The following GRIK2 variants were observed in gnomAD, a reference collection of about 807,000 sequenced individuals.
GRIK2 encodes the protein glutamate receptor ionotropic, kainate 2.
In GRIK2, 32 loss-of-function variants were observed where a neutral mutation model predicts 100.3. The observed-to-expected ratio is 0.32, with a 90% CI of 0.24 to 0.43. The LOEUF (loss-of-function observed/expected upper bound fraction) is 0.43, where lower values mean the gene tolerates loss of function less well. GRIK2 is among the 20% of genes least tolerant of loss of function. GRIK2 has a pLI of 1.00. For missense variants in GRIK2, 843 were observed against 1,114.9 expected (o/e 0.76, Z 3.47); for synonymous variants, 417 against 389.4 (o/e 1.07, Z -0.83).
At chr6:101,985,179 A>C (rs1793950691) in intron 14 of GRIK2, among the ~76,000 whole-genome samples, 1 of 151,772 alleles carries the variant, frequency 6.6e-6, no homozygotes, top group South Asian at 2.1e-4. Context: ...TCAAGGATTA[A>C]AATTCAATGA....
chr6:101,617,936 ATG>A (rs1171897645), intron 2 of GRIK2, among the ~76,000 whole-genome samples: 3 of 151,016 alleles, frequency 2.0e-5, no homozygotes, highest in Non-Finnish European at 4.4e-5. Context: ...TCATATATAT[ATG>A]TGTGTGTATA....
chr6:101,636,473 C>T (rs895348519), intron 4 of GRIK2, among the ~76,000 whole-genome samples: 1 of 152,020 alleles, frequency 6.6e-6, no homozygotes, highest in South Asian at 2.1e-4. Context: ...ATGTTCTGCA[C>T]ATGTATCCCA....
intron 2 of GRIK2, among the ~76,000 whole-genome samples, chr6:101,553,844 C>G (rs71566377): frequency 1.2e-3 from 180 of 152,140 alleles, no homozygotes; most frequent in Non-Finnish European, 1.4e-3. Context: ...CAGGAAAAAG[C>G]AGAATGTACC....
chr6:101,510,862 TA>T (rs899026197), intron 2 of GRIK2, among the ~76,000 whole-genome samples: 5 of 151,420 alleles, frequency 3.3e-5, no homozygotes, highest in African/African-American at 1.2e-4. Flanking sequence ...CTGCTATTAC[TA>T]AAAAAAAGGA....
chr6:101,660,264 A>T (rs1224073625), intron 4 of GRIK2, among the ~76,000 whole-genome samples: 1 of 151,942 alleles, frequency 6.6e-6, no homozygotes, highest in East Asian at 1.9e-4. Context: ...TGTTTGATTC[A>T]GCTATTGATA....
chr6:101,870,744 CTT>C (rs955839816), intron 11 of GRIK2, among the ~76,000 whole-genome samples: 2 of 151,592 alleles, frequency 1.3e-5, no homozygotes, highest in African/African-American at 4.9e-5. Context: ...AGTTGGTAAA[CTT>C]ATTAACAGAG....
At chr6:101,479,980 AG>A (rs1346476580) in intron 2 of GRIK2, among the ~76,000 whole-genome samples, 2 of 152,298 alleles carry the variant, frequency 1.3e-5, no homozygotes, top group Non-Finnish European at 2.9e-5. Flanking sequence ...AAATCTATAA[AG>A]CAACTCATAT....
chr6:101,867,714 T>A (rs1255784574), intron 11 of GRIK2, among the ~76,000 whole-genome samples: 1 of 151,566 alleles, frequency 6.6e-6, no homozygotes, highest in Non-Finnish European at 1.5e-5. Flanking sequence ...ATAAAGAATG[T>A]CTTCTCATGC....
rs1791673458 is a variant in GRIK2, at chr6:101,952,671, T to A, written c.2085+24039T>A. ...AGGCTGGAGTGCAGTGGCACGATCT[T>A]GGCTCACTGCAAGCTCCGCCTCCTG... On this transcript the variant is annotated intron_variant, in intron 14 of 16. Transcript: ENST00000369134. Among the ~76,000 whole-genome samples, 2 of 151,954 alleles carry A rather than the reference T, an allele frequency of 1.3e-5. 1 individual carries two copies. The highest frequency in any genetic ancestry group is 1.3e-4 in the Admixed American group (2 of 15,238).
intron 9 of GRIK2, among the ~76,000 whole-genome samples, chr6:101,813,430 A>T (rs570078471): frequency 6.6e-5 from 10 of 152,332 alleles, no homozygotes; most frequent in African/African-American, 2.4e-4. Flanking sequence ...TATGTCACAT[A>T]ATTATCTTTT....
intron 2 of GRIK2, among the ~76,000 whole-genome samples, chr6:101,556,321 A>ATTTTTTTTTTTTTTTTTTGTTT (rs1776737955): frequency 1.7e-5 from 1 of 59,396 alleles, no homozygotes; most frequent in Non-Finnish European, 3.6e-5. Context: ...TATATTGGTA[A>ATTTTTTTTTTTTTTTTTTGTTT]TTTTTTTTTT....
At chr6:101,838,655 T>C (rs2128432924) in intron 10 of GRIK2, among the ~76,000 whole-genome samples, 1 of 78,450 alleles carries the variant, frequency 1.3e-5, no homozygotes, top group Middle Eastern at 4.5e-3. Flanking sequence ...TTAATACAAC[T>C]TTTTTTTTTT....
At chr6:101,445,823 A>G (rs1178930838) in intron 2 of GRIK2, among the ~76,000 whole-genome samples, 1 of 152,070 alleles carries the variant, frequency 6.6e-6, no homozygotes, top group Non-Finnish European at 1.5e-5. Context: ...CATAGAAACT[A>G]TTTTTATGCG....
intron 11 of GRIK2, among the ~76,000 whole-genome samples, chr6:101,889,033 C>A (rs907780542): frequency 1.3e-5 from 2 of 151,906 alleles, no homozygotes; most frequent in Non-Finnish European, 2.9e-5. Flanking sequence ...GGCAAGGCTG[C>A]AAGGATTTTC....
intron 7 of GRIK2, among the ~76,000 whole-genome samples, chr6:101,688,463 C>A (rs934442988): frequency 6.6e-6 from 1 of 151,762 alleles, no homozygotes; most frequent in Non-Finnish European, 1.5e-5. Flanking sequence ...CAGATAAGTA[C>A]AAAGAATGAT....
chr6:101,453,199 T>A (rs868638438), intron 2 of GRIK2, among the ~76,000 whole-genome samples: 9 of 147,310 alleles, frequency 6.1e-5, no homozygotes, highest in Middle Eastern at 3.4e-3. Flanking sequence ...TTTCCCATCC[T>A]TTTTTTTTGT....
intron 7 of GRIK2, among the ~76,000 whole-genome samples, chr6:101,746,042 A>T (rs186495770): frequency 2.8e-4 from 42 of 152,230 alleles, no homozygotes; most frequent in African/African-American, 1.0e-3. Context: ...TTCCTTATTG[A>T]CCCAAAGTAA....
At chr6:101,632,155 A>G (rs551210154) in intron 4 of GRIK2, among the ~76,000 whole-genome samples, 3 of 151,706 alleles carry the variant, frequency 2.0e-5, no homozygotes, top group African/African-American at 7.3e-5. Context: ...TGGGTGTCAC[A>G]AAGAAAGGCT....
At chr6:101,996,234 A>C (rs142840863) in intron 14 of GRIK2, among the ~76,000 whole-genome samples, 1 of 152,080 alleles carries the variant, frequency 6.6e-6, no homozygotes, top group Non-Finnish European at 1.5e-5. Flanking sequence ...GATAAATACT[A>C]CTTCATACTT....
Sources: allele counts gnomAD v4.1 joint callset (sites outside exome capture counted in the v4.1 genomes callset), GRCh38; gene constraint gnomAD v4.1.1; transcripts MANE v1.5; gene names NCBI Gene and HGNC (gene_info 2026-07-23, HGNC 2026-07-21).